The following LUZP2 variants were observed in gnomAD, a reference collection of about 807,000 sequenced individuals.
LUZP2 encodes leucine zipper protein 2.
LUZP2 carries 52 observed loss-of-function variants against 51.6 expected under a neutral mutation model. That is an observed-to-expected ratio of 1.01 (90% CI 0.81 to 1.27). The LOEUF (loss-of-function observed/expected upper bound fraction) is 1.27. LUZP2 is among the 50% of genes most tolerant of loss of function. The probability of loss-of-function intolerance (pLI) is 0.00; values close to 1 mark genes in which losing one functional copy is unlikely to be tolerated. For synonymous variants in LUZP2, 154 were observed against 137.3 expected (o/e 1.12, Z -0.85); for missense variants, 436 against 395.4 (o/e 1.10, Z -0.87).
At position 25,077,355 on chromosome 11, in the gene LUZP2, CAAAG is replaced by C; in HGVS notation, c.890_893del (p.Glu297ValfsTer27). On this transcript the variant is annotated frameshift_variant, in exon 11 of 12. Transcript: ENST00000336930. LOFTEE classifies it low-confidence loss of function (END_TRUNC). ...AGGGCAGACCGTGTTCCATGAAGCA[CAAAG>C]AAAGTCCCCCAAGTAATGCCACTGC... is the stretch of plus-strand genomic sequence containing the variant. The C allele has an allele frequency of 6.2e-7, 1 of 1,612,880 alleles. No individual in the cohort carries two copies. The highest frequency in any genetic ancestry group is 8.5e-7 in the Non-Finnish European group (1 of 1,179,204).
At chr11:25,066,446 C>T (rs568977354) in intron 10 of LUZP2, among the ~76,000 whole-genome samples, 24 of 151,854 alleles carry the variant, frequency 1.6e-4, no homozygotes, top group African/African-American at 5.5e-4. Context: ...CAAGCCTGAG[C>T]AAAGATTTAA....
intron 7 of LUZP2, among the ~76,000 whole-genome samples, chr11:24,921,991 C>G (rs1393880055): frequency 1.3e-5 from 2 of 152,086 alleles, no homozygotes; most frequent in Non-Finnish European, 2.9e-5. Context: ...TTTGTGGCCA[C>G]TAACATGTTA....
At chr11:25,000,239 C>T (rs1464022872) in intron 9 of LUZP2, among the ~76,000 whole-genome samples, 1 of 152,176 alleles carries the variant, frequency 6.6e-6, no homozygotes, top group Non-Finnish European at 1.5e-5. Context: ...CAGAAAAGTT[C>T]TCCAAGTCCC....
intron 5 of LUZP2, among the ~76,000 whole-genome samples, chr11:24,890,384 A>T (rs1274772301): frequency 1.3e-5 from 2 of 152,224 alleles, no homozygotes. Context: ...CCTTTAAAAA[A>T]TCTAGAATAT....
At chr11:24,704,897 T>C (rs1378820865) in intron 1 of LUZP2, among the ~76,000 whole-genome samples, 1 of 152,116 alleles carries the variant, frequency 6.6e-6, no homozygotes, top group Non-Finnish European at 1.5e-5. Flanking sequence ...AAATAAAACC[T>C]TCAGGCAGAT....
intron 7 of LUZP2, among the ~76,000 whole-genome samples, chr11:24,919,798 T>A (rs1376706517): frequency 6.6e-6 from 1 of 150,972 alleles, no homozygotes; most frequent in Non-Finnish European, 1.5e-5. Flanking sequence ...ATATTAATTA[T>A]TGCTACCTAG....
chr11:24,755,852 T>G (rs1859753818), intron 4 of LUZP2, among the ~76,000 whole-genome samples: 1 of 152,174 alleles, frequency 6.6e-6, no homozygotes, highest in Admixed American at 6.5e-5. Flanking sequence ...AAAATATGTT[T>G]TCTTACCATA....
At chr11:24,804,379 A>T (rs1849790431) in intron 5 of LUZP2, among the ~76,000 whole-genome samples, 1 of 152,270 alleles carries the variant, frequency 6.6e-6, no homozygotes, top group South Asian at 2.1e-4. Context: ...CCCAAAGTTC[A>T]TGGCAGCTAC....
rs566255008 is a variant in LUZP2 at position 24,669,717 on chromosome 11, C to T, written c.63-59452C>T. On this transcript the variant is annotated intron_variant, in intron 1 of 11. Transcript: ENST00000336930. ...GTTTTCTTGATAGGATGTTCACGTG[C>T]GGTATTTGAGGAATTGTGCTTTTGT... 3.9e-5 allele frequency among the ~76,000 whole-genome samples: 6 copies of T among 152,008 alleles called. No homozygotes were observed. The South Asian group carries it at 8.3e-4, about 21-fold the overall frequency.
intron 5 of LUZP2, among the ~76,000 whole-genome samples, chr11:24,822,165 T>G (rs1590592923): frequency 6.6e-6 from 1 of 152,138 alleles, no homozygotes; most frequent in East Asian, 1.9e-4. Flanking sequence ...ATTTCTCTAC[T>G]GAAAGATTAT....
chr11:24,763,131 C>T (rs1408028494), intron 4 of LUZP2, 115 bp from the exon 5 acceptor site: 2 of 571,062 alleles, frequency 3.5e-6, no homozygotes, highest in Non-Finnish European at 5.4e-6. Context: ...ATTCTTTGTT[C>T]TTTTTCAATA....
chr11:24,962,302 A>G (rs565968052), intron 7 of LUZP2, among the ~76,000 whole-genome samples: 1 of 152,144 alleles, frequency 6.6e-6, no homozygotes, highest in Non-Finnish European at 1.5e-5. Flanking sequence ...CCGAATCTGA[A>G]TGTTGGCCTG....
intron 4 of LUZP2, among the ~76,000 whole-genome samples, chr11:24,748,603 G>A (rs11028136): frequency 1.3e-5 from 2 of 151,824 alleles, no homozygotes; most frequent in Non-Finnish European, 2.9e-5. Flanking sequence ...GGGACTACTG[G>A]CGCGTGCCAC....
chr11:24,544,318 G>A (rs11027996), intron 1 of LUZP2, among the ~76,000 whole-genome samples: 29,129 of 151,958 alleles, frequency 0.19, 3,426 homozygotes, highest in Middle Eastern at 0.34. Flanking sequence ...AGAGGTACAT[G>A]TGCAGGTTTG....
chr11:25,022,123 C>T (rs561382841), intron 9 of LUZP2, among the ~76,000 whole-genome samples: 2 of 152,058 alleles, frequency 1.3e-5, no homozygotes, highest in South Asian at 4.1e-4. Context: ...TCTATTAGGT[C>T]TCATTTTTAA....
chr11:24,689,492 G>C (rs1057445353), intron 1 of LUZP2, among the ~76,000 whole-genome samples: 2 of 152,128 alleles, frequency 1.3e-5, no homozygotes, highest in Non-Finnish European at 2.9e-5. Flanking sequence ...GCCAGCTCCA[G>C]GTGCTTTCTA....
At chr11:24,907,157 A>G (rs1853479724) in intron 6 of LUZP2, among the ~76,000 whole-genome samples, 1 of 152,098 alleles carries the variant, frequency 6.6e-6, no homozygotes, top group African/African-American at 2.4e-5. Context: ...ATTTGCTAAA[A>G]CTAGCTCACA....
At chr11:24,644,348 G>A (rs369541931) in intron 1 of LUZP2, among the ~76,000 whole-genome samples, 2 of 152,252 alleles carry the variant, frequency 1.3e-5, no homozygotes, top group South Asian at 2.1e-4. Flanking sequence ...GTCCTTCAAA[G>A]TCTGCTTTCC....
intron 7 of LUZP2, among the ~76,000 whole-genome samples, chr11:24,968,097 C>A (rs913487171): frequency 1.3e-4 from 19 of 151,992 alleles, no homozygotes; most frequent in Non-Finnish European, 2.6e-4. Flanking sequence ...AAGGTAGTAC[C>A]CAAGCTCCTC....
Sources: allele counts gnomAD v4.1 joint callset (sites outside exome capture counted in the v4.1 genomes callset), GRCh38; gene constraint gnomAD v4.1.1; transcripts MANE v1.5; gene names NCBI Gene and HGNC (gene_info 2026-07-23, HGNC 2026-07-21).